The following TENM4 variants were observed in gnomAD, a reference collection of about 807,000 sequenced individuals.
The protein encoded by TENM4 is teneurin transmembrane protein 4.
In TENM4, 82 loss-of-function variants were observed where a neutral mutation model predicts 243.3. The observed-to-expected ratio is 0.34, with a 90% confidence interval of 0.28 to 0.40. The LOEUF is 0.40. TENM4 is among the 10% of genes least tolerant of loss of function. The pLI is 1.00. For synonymous variants in TENM4, 1,412 were observed against 1,456.3 expected (o/e 0.97, Z 0.69); for missense variants, 3,138 against 3,673.3 (o/e 0.85, Z 3.77).
At chr11:79,401,074 T>C (rs1858450878) in intron 1 of TENM4, among the ~76,000 whole-genome samples, 1 of 152,176 alleles carries the variant, frequency 6.6e-6, no homozygotes, top group Non-Finnish European at 1.5e-5. Context: ...GTACAGTAGA[T>C]TCAAAAGCTT....
chr11:78,801,771 C>T (rs1378403501), intron 15 of TENM4, among the ~76,000 whole-genome samples: 1 of 152,176 alleles, frequency 6.6e-6, no homozygotes, highest in Non-Finnish European at 1.5e-5. Context: ...GTGCAAGGAT[C>T]ACTTGGGATT....
intron 1 of TENM4, among the ~76,000 whole-genome samples, chr11:79,434,328 A>G (rs1859228193): frequency 6.6e-6 from 1 of 152,150 alleles, no homozygotes; most frequent in Non-Finnish European, 1.5e-5. Flanking sequence ...TGTGGGGTAG[A>G]GTCTCAACTG....
At chr11:79,145,531 G>A (rs1862380967) in intron 4 of TENM4, among the ~76,000 whole-genome samples, 1 of 152,050 alleles carries the variant, frequency 6.6e-6, no homozygotes, top group African/African-American at 2.4e-5. Context: ...TCATGCTTCT[G>A]AGGTTCATCA....
At chr11:79,199,633 C>A (rs1863701703) in intron 3 of TENM4, among the ~76,000 whole-genome samples, 1 of 152,216 alleles carries the variant, frequency 6.6e-6, no homozygotes, top group South Asian at 2.1e-4. Flanking sequence ...TACAGATATG[C>A]AGTCCTGGGG....
intron 4 of TENM4, among the ~76,000 whole-genome samples, chr11:79,137,694 T>A (rs1862137799): frequency 6.6e-6 from 1 of 152,324 alleles, no homozygotes; most frequent in Non-Finnish European, 1.5e-5. Flanking sequence ...TTTCATTTTA[T>A]TTCCTTTCTC....
intron 2 of TENM4, among the ~76,000 whole-genome samples, chr11:79,225,887 C>T (rs1430249983): frequency 1.3e-5 from 2 of 152,142 alleles, no homozygotes; most frequent in African/African-American, 4.8e-5. Flanking sequence ...TCACGATCAT[C>T]ACCTTAAAGT....
chr11:78,827,037 C>G (rs1194482737), intron 12 of TENM4, among the ~76,000 whole-genome samples: 1 of 152,172 alleles, frequency 6.6e-6, no homozygotes, highest in East Asian at 1.9e-4. Flanking sequence ...TATTCACATA[C>G]CATCTGTCCT....
chr11:79,286,084 G>A (rs1329218225), intron 2 of TENM4, among the ~76,000 whole-genome samples: 1 of 152,184 alleles, frequency 6.6e-6, no homozygotes, highest in African/African-American at 2.4e-5. Flanking sequence ...GCAAGAAAGA[G>A]GCTATAGGGA....
At chr11:79,391,442 C>A (rs1333316820) in intron 1 of TENM4, among the ~76,000 whole-genome samples, 1 of 152,050 alleles carries the variant, frequency 6.6e-6, no homozygotes, top group Non-Finnish European at 1.5e-5. Flanking sequence ...GTCCACATGT[C>A]TTTGGGAACT....
At chr11:78,847,138 C>T (rs1011271080) in intron 12 of TENM4, among the ~76,000 whole-genome samples, 19 of 152,186 alleles carry the variant, frequency 1.2e-4, no homozygotes, top group African/African-American at 4.6e-4. Flanking sequence ...AGCAGCCCAT[C>T]TCCTAGACAA....
At chr11:78,751,219 C>T (rs927647267) in intron 19 of TENM4, among the ~76,000 whole-genome samples, 14 of 152,152 alleles carry the variant, frequency 9.2e-5, no homozygotes, top group African/African-American at 3.1e-4. Flanking sequence ...CTCGCTAAGC[C>T]TGCCCAGTCT....
intron 1 of TENM4, among the ~76,000 whole-genome samples, chr11:79,341,427 A>G (rs1456237048): frequency 2.0e-5 from 3 of 152,152 alleles, no homozygotes; most frequent in Non-Finnish European, 4.4e-5. Context: ...ACTCAATCTT[A>G]CTGCAATGCA....
chr11:79,118,366 C>T (rs1216961106), intron 4 of TENM4, among the ~76,000 whole-genome samples: 1 of 152,134 alleles, frequency 6.6e-6, no homozygotes, highest in African/African-American at 2.4e-5. Context: ...AAGATATTAC[C>T]TAATCCCCTT....
At chr11:79,270,714 G>T (rs1467999233) in intron 2 of TENM4, among the ~76,000 whole-genome samples, 1 of 152,200 alleles carries the variant, frequency 6.6e-6, no homozygotes, top group Non-Finnish European at 1.5e-5. Flanking sequence ...AACTTTCAAA[G>T]CTCTATGTAG....
intron 18 of TENM4, among the ~76,000 whole-genome samples, chr11:78,763,837 G>A (rs1856484645): frequency 7.0e-6 from 1 of 143,494 alleles, no homozygotes; most frequent in South Asian, 2.2e-4. Flanking sequence ...GAGTGAACGA[G>A]TAAGTCAACA....
chr11:78,891,178 T>G (rs1056103504), intron 8 of TENM4, 60 bp downstream of exon 8: 5 of 1,481,942 alleles, frequency 3.4e-6, no homozygotes, highest in Non-Finnish European at 4.6e-6. Flanking sequence ...AGGGTCTGCA[T>G]GCAAGTGCAG....
chr11:78,767,615 G>A (rs539118350), intron 18 of TENM4, among the ~76,000 whole-genome samples: 59 of 152,214 alleles, frequency 3.9e-4, no homozygotes, highest in Non-Finnish European at 6.9e-4. Flanking sequence ...ATGCAGGAGA[G>A]GGAGTTAAAG....
chr11:79,253,997 T>C (rs1014352280), intron 2 of TENM4, among the ~76,000 whole-genome samples: 1 of 152,212 alleles, frequency 6.6e-6, no homozygotes, highest in Non-Finnish European at 1.5e-5. Flanking sequence ...TTCTTTTCCC[T>C]ATCAGGTTGG....
chr11:79,241,276 T>C lies in TENM4; in HGVS notation c.-264-25367A>G, dbSNP rs559633516. On this transcript the variant is annotated intron_variant, in intron 2 of 33. Coordinates refer to ENST00000278550, the MANE Select transcript of TENM4 (RefSeq NM_001098816.3). ...ACTGCTGGAAGAGGGGTTTTGTGTGTGGGAGGGAGAAACCTAAAAGGAGGA... is the reference window on the plus strand; with the variant it reads ...ACTGCTGGAAGAGGGGTTTTGTGTGCGGGAGGGAGAAACCTAAAAGGAGGA... 1.8e-4 allele frequency among the ~76,000 whole-genome samples: 27 copies of C among 151,956 alleles called. No individual in the cohort carries two copies. The South Asian group carries it at 5.4e-3, about 30-fold the overall frequency.
Sources: gnomAD v4.1 joint callset for allele counts (sites outside exome capture counted in the v4.1 genomes callset) on GRCh38, gnomAD v4.1.1 for gene constraint, MANE v1.5 for transcripts, NCBI Gene and HGNC (gene_info 2026-07-23, HGNC 2026-07-21) for gene names.